Variants in HNRNPDL observed in about 807,000 individuals in gnomAD.
HNRNPDL encodes the protein heterogeneous nuclear ribonucleoprotein D like, also known as heterogeneous nuclear ribonucleoprotein D-like.
A neutral mutation model predicts 48.0 loss-of-function variants in HNRNPDL; 18 were observed. The observed-to-expected ratio is 0.38, with a 90% CI of 0.26 to 0.56. The LOEUF is 0.56. Ranked by LOEUF, HNRNPDL falls within the 20% of genes least tolerant of loss-of-function variation. HNRNPDL has a pLI of 0.77. For missense variants in HNRNPDL, 553 were observed against 540.7 expected (o/e 1.02, Z -0.23); for synonymous variants, 306 against 207.3 (o/e 1.48, Z -4.09).
Position 82,427,577 on chromosome 4 carries a change from T to G in HNRNPDL, c.775-13A>C, listed in dbSNP as rs1252339279. On this transcript the variant is annotated splice_polypyrimidine_tract_variant and intron_variant, in intron 3 of 7. Transcript: ENST00000295470. ...CAATATTTTCAATCTGAAATCGAGA[T>G]GCACACTCAACGTCATCCCATAATT... 6.2e-7 allele frequency: 1 copy of G among 1,606,702 alleles called. No homozygotes were observed. Among genetic ancestry groups the G allele is most frequent in the Non-Finnish European group, 8.5e-7 (1 of 1,178,146 alleles).
chr4:82,429,592 C>A lies in HNRNPDL; in HGVS notation c.99G>T (p.Arg33=), dbSNP rs1030454179. 85 of 1,361,672 alleles carry A rather than the reference C, an allele frequency of 6.2e-5. No homozygotes were observed. The highest frequency in any genetic ancestry group is 7.8e-5 in the Non-Finnish European group (83 of 1,060,334). 84.3% of individuals were successfully genotyped at this position (1,361,672 alleles called of 1,614,324 possible). A position where few individuals can be genotyped will look rare whatever the true frequency, so the allele number is the denominator to read the frequency against. Residue 33 remains arginine, a synonymous_variant, in exon 1 of 8, where the codon CGG becomes CGT. Coordinates refer to ENST00000295470, the MANE Select transcript of HNRNPDL (RefSeq NM_031372.4). ...GGAGCGGGGCTAGCTGCCGCGGCGGCCGCGGCCGCCAATGGGAGAGGCTGC... is the reference window on the plus strand; with the variant it reads ...GGAGCGGGGCTAGCTGCCGCGGCGGACGCGGCCGCCAATGGGAGAGGCTGC... ...ASRSLSHWRP[R]PPRQLAPLLP... is the part of the protein sequence containing the mutation.
Position 82,423,862 on chromosome 4 carries a change from A to C in HNRNPDL, c.*1044T>G, listed in dbSNP as rs1721299780. The C allele has an allele frequency of 6.6e-6, 1 of 152,254 alleles. No homozygotes were observed. Among genetic ancestry groups the C allele is most frequent in the Admixed American group, 6.5e-5 (1 of 15,282 alleles). The allele number at this position is 152,254 out of a possible 1,614,324, so 9.4% of individuals were successfully genotyped here. ...TTCCACTATTCCTTTCTGAATATGT[A>C]AATATTTAACTACTTAGTTCATGCA... On this transcript the variant is annotated 3_prime_UTR_variant, in exon 8 of 8. Transcript: ENST00000295470.
Position 82,423,100 on chromosome 4 carries a change from A to G in HNRNPDL, c.*1806T>C, listed in dbSNP as rs1047882184. ...AGAGTTCAAAGCCCCTGCAAGAAAAACCAATTCTCACTCCCCCTTCAATTC... is the reference window on the plus strand; with the variant it reads ...AGAGTTCAAAGCCCCTGCAAGAAAAGCCAATTCTCACTCCCCCTTCAATTC... On this transcript the variant is annotated 3_prime_UTR_variant, in exon 8 of 8. Transcript: ENST00000295470. The G allele has an allele frequency of 6.6e-6, 1 of 151,788 alleles. No homozygotes were observed. Among genetic ancestry groups the G allele is most frequent in the African/African-American group, 2.4e-5 (1 of 41,308 alleles). The allele number at this position is 151,788 out of a possible 1,614,324, so 9.4% of individuals were successfully genotyped here.
Position 82,429,828 on chromosome 4 carries a change from G to A in HNRNPDL, c.-138C>T. 1 of 545,868 alleles carries A rather than the reference G, an allele frequency of 1.8e-6. No individual in the cohort carries two copies. The highest frequency in any genetic ancestry group is 4.3e-5 in the Admixed American group (1 of 23,164). The allele number at this position is 545,868 out of a possible 1,614,324, so 33.8% of individuals were successfully genotyped here. A position where few individuals can be genotyped will look rare whatever the true frequency, so the allele number is the denominator to read the frequency against. Reference sequence around the variant, plus strand: ...CGAGCAGAGCCGACGCAGGGCCACAGTCCCTCTTGCCTTGGGAGCCTTTGT... The same window carrying A: ...CGAGCAGAGCCGACGCAGGGCCACAATCCCTCTTGCCTTGGGAGCCTTTGT... On this transcript the variant is annotated 5_prime_UTR_variant, in exon 1 of 8. Transcript: ENST00000295470.
In HNRNPDL at chr4:82,427,583, C is replaced by T; in HGVS notation, c.775-19G>A. 1 of 1,604,684 alleles carries T rather than the reference C, an allele frequency of 6.2e-7. No homozygotes were observed. Among genetic ancestry groups the T allele is most frequent in the Non-Finnish European group, 8.5e-7 (1 of 1,177,332 alleles). On this transcript the variant is annotated intron_variant, in intron 3 of 7. Transcript: ENST00000295470. ...TTTCAATCTGAAATCGAGATGCACACTCAACGTCATCCCATAATTGTAAAA... is the reference window on the plus strand; with the variant it reads ...TTTCAATCTGAAATCGAGATGCACATTCAACGTCATCCCATAATTGTAAAA...
Position 82,429,415 on chromosome 4 carries a change from G to T in HNRNPDL, c.276C>A (p.Ser92=). 1.9e-6 allele frequency: 3 copies of T among 1,613,288 alleles called. No homozygotes were observed. Among genetic ancestry groups the T allele is most frequent in the South Asian group, 1.1e-5 (1 of 91,056 alleles). ...CGGCGGCGGAGCGTTGTATGGAGCTGGATTTAAAATGGCGGCGGAAGAGAT... is the reference window on the plus strand; with the variant it reads ...CGGCGGCGGAGCGTTGTATGGAGCTTGATTTAAAATGGCGGCGGAAGAGAT... ...RPDLFRRHFK[S]SSIQRSAAAA... The change falls in exon 1 of 8, where the codon TCC becomes TCA. Residue 92 remains serine (S), a synonymous_variant. Transcript: ENST00000295470.
chr4:82,429,494 G>A lies in HNRNPDL; in HGVS notation c.197C>T (p.Pro66Leu), dbSNP rs1331994126. Residue 66 changes from proline (P) to leucine (L), a missense_variant, in exon 1 of 8, where the codon CCC becomes CTC. By Grantham distance (98) the Pro-to-Leu change is moderately conservative. Around this residue, in one of 4 missense-constraint regions of HNRNPDL, gnomAD observed 327 missense variants for 203.2 expected, o/e 1.61. Transcript: ENST00000295470. ...AGCCGCCCCGCCCGCCAATCGGGAG[G>A]GCTGCTGGGCGGTGACGTGGCGCTG... ...RAQRHVTAQQ[P>L]SRLAGGAAIK... The A allele has an allele frequency of 2.6e-6, 4 of 1,559,142 alleles. No homozygotes were observed. The African/African-American group carries it at 4.1e-5, about 16-fold the overall frequency.
At chr4:82,427,128 C>G (rs947555174) in intron 5 of HNRNPDL, 62 bp downstream of exon 5, 32 of 1,062,644 alleles carry the variant, frequency 3.0e-5, no homozygotes, top group Non-Finnish European at 4.7e-5. Flanking sequence ...CAGGACTACT[C>G]ATATTCAGCA....
In HNRNPDL at chr4:82,426,057, C is replaced by A. The variant is rs896537523; in HGVS notation, c.*2G>T. 1.2e-6 allele frequency: 2 copies of A among 1,608,862 alleles called. No homozygotes were observed. The highest frequency in any genetic ancestry group is 1.7e-6 in the Non-Finnish European group (2 of 1,175,578). ...CACACCTGTTTTCTCCAATGTTCTC[C>A]TTTAGTATGGCTGGTAATTGTTTTG... On this transcript the variant is annotated 3_prime_UTR_variant, in exon 7 of 8. Coordinates refer to ENST00000295470, the MANE Select transcript of HNRNPDL (RefSeq NM_031372.4).
rs567877399 is a variant in HNRNPDL at position 82,423,985 on chromosome 4, T to C, written c.*921A>G. ...CTCAGGATGCCCAAACAGAAAACAT[T>C]TTGTTCAATCTTGTGGCGGCTCTGA... On this transcript the variant is annotated 3_prime_UTR_variant, in exon 8 of 8. Transcript: ENST00000295470. 6.6e-6 allele frequency: 1 copy of C among 152,338 alleles called. No individual in the cohort carries two copies. The highest frequency in any genetic ancestry group is 1.9e-4 in the East Asian group (1 of 5,186). The allele number at this position is 152,338 out of a possible 1,614,324, so 9.4% of individuals were successfully genotyped here.
In HNRNPDL at chr4:82,424,652, G is replaced by T. The variant is rs1296440427; in HGVS notation, c.*254C>A. ...ATCACATAAGGAAGCATTTATTTGA[G>T]GTTTAACATGAAATGATACAAATAA... On this transcript the variant is annotated 3_prime_UTR_variant, in exon 8 of 8. Coordinates refer to ENST00000295470, the MANE Select transcript of HNRNPDL (RefSeq NM_031372.4). 3.9e-5 allele frequency: 6 copies of T among 152,568 alleles called. No homozygotes were observed. 9.5% of individuals were successfully genotyped at this position (152,568 alleles called of 1,614,324 possible).
chr4:82,429,109 C>T (rs1721561272), intron 1 of HNRNPDL, 139 bp downstream of exon 1: 2 of 765,926 alleles, frequency 2.6e-6, no homozygotes, highest in Admixed American at 2.1e-5. Context: ...CTTTCCTCTT[C>T]CCTCCAATCT....
In HNRNPDL at chr4:82,424,373, C is replaced by G. The variant is rs1476459332; in HGVS notation, c.*533G>C. On this transcript the variant is annotated 3_prime_UTR_variant, in exon 8 of 8. Coordinates refer to ENST00000295470, the MANE Select transcript of HNRNPDL (RefSeq NM_031372.4). ...ACTTATGTCTTCCTTTCAGGACAGT[C>G]TTCAGATAACCAGAAGGGAAAGAAC... 1 of 152,590 alleles carries G rather than the reference C, an allele frequency of 6.6e-6. No individual in the cohort carries two copies. The highest frequency in any genetic ancestry group is 1.5e-5 in the Non-Finnish European group (1 of 68,028). The allele number at this position is 152,590 out of a possible 1,614,324, so 9.5% of individuals were successfully genotyped here. A position where few individuals can be genotyped will look rare whatever the true frequency, so the allele number is the denominator to read the frequency against.
chr4:82,429,662 A>T lies in HNRNPDL; in HGVS notation c.29T>A (p.Val10Glu). The change falls in exon 1 of 8, where the codon GTG becomes GAG. Residue 10 changes from valine to glutamate, a missense_variant. Coordinates refer to ENST00000295470, the MANE Select transcript of HNRNPDL (RefSeq NM_031372.4). MEVPPRLSH[V>E]PPPLFPSAPA... ...AGCGGAGGGGAACAATGGCGGCGGC[A>T]CATGGGAAAGCCTGGGCGGGACCTC... 7.3e-7 allele frequency: 1 copy of T among 1,362,740 alleles called. No homozygotes were observed. The highest frequency in any genetic ancestry group is 9.4e-7 in the Non-Finnish European group (1 of 1,058,546). The allele number at this position is 1,362,740 out of a possible 1,614,324, so 84.4% of individuals were successfully genotyped here.
intron 5 of HNRNPDL, 53 bp downstream of exon 5, chr4:82,427,137 C>T (rs763714871): frequency 8.9e-7 from 1 of 1,129,386 alleles, no homozygotes; most frequent in African/African-American, 1.5e-5. Context: ...TCATATTCAG[C>T]AGTATACAGC....
Position 82,429,734 on chromosome 4 carries a change from C to A in HNRNPDL, c.-44G>T. ...GAGAGAGGCCACGCGTGAGGGGACG[C>A]GGGCTTGGGAGAAGAGAAGAATCAG... On this transcript the variant is annotated 5_prime_UTR_variant, in exon 1 of 8. Coordinates refer to ENST00000295470, the MANE Select transcript of HNRNPDL (RefSeq NM_031372.4). 7.7e-7 allele frequency: 1 copy of A among 1,296,224 alleles called. No individual in the cohort carries two copies. The highest frequency in any genetic ancestry group is 9.9e-7 in the Non-Finnish European group (1 of 1,015,066). The allele number at this position is 1,296,224 out of a possible 1,614,324, so 80.3% of individuals were successfully genotyped here. A position where few individuals can be genotyped will look rare whatever the true frequency, so the allele number is the denominator to read the frequency against.
At chr4:82,425,923 T>C (rs1721387228) in intron 7 of HNRNPDL, 114 bp downstream of exon 7, 2 of 694,990 alleles carry the variant, frequency 2.9e-6, no homozygotes, top group Admixed American at 2.6e-5. Flanking sequence ...AATTAAAAAA[T>C]CAACAATTTA....
In HNRNPDL at chr4:82,427,209, A is replaced by G; in HGVS notation, c.1002T>C (p.Gly334=). 1 of 1,612,904 alleles carries G rather than the reference A, an allele frequency of 6.2e-7. No homozygotes were observed. Among genetic ancestry groups the G allele is most frequent in the African/African-American group, 1.3e-5 (1 of 75,008 alleles). Reference sequence around the variant, plus strand: ...TCTCACCTCGGCCACGACCCCTCGTACCACCTCGTCCACCAGCTGCAGCAC... The same window carrying G: ...TCTCACCTCGGCCACGACCCCTCGTGCCACCTCGTCCACCAGCTGCAGCAC... ...GRGAAAGGRG[G]TRGRGRGQGQ... The change falls in exon 5 of 8, where the codon GGT becomes GGC. Residue 334 remains glycine, a synonymous_variant. Coordinates refer to ENST00000295470, the MANE Select transcript of HNRNPDL (RefSeq NM_031372.4).
At chr4:82,425,160 T>C (rs1721367303) in intron 7 of HNRNPDL, 1 of 152,204 alleles carries the variant, frequency 6.6e-6, no homozygotes, top group Admixed American at 6.5e-5. Flanking sequence ...ACTAGAAGCA[T>C]CTCTAGTAAC....
Sources: allele counts gnomAD v4.1 joint callset, GRCh38; gene constraint gnomAD v4.1.1; regional missense constraint gnomAD v4.1.1; transcripts MANE v1.5; gene names NCBI Gene and HGNC (gene_info 2026-07-23, HGNC 2026-07-21).